Variants in RPF1 observed in about 807,000 individuals in gnomAD.
RPF1 encodes the protein ribosome production factor 1.
In RPF1, 34 loss-of-function variants were observed where a neutral mutation model predicts 41.9. That is an observed-to-expected ratio of 0.81 (90% CI 0.62 to 1.08). The LOEUF is 1.08. Ranked by LOEUF, RPF1 falls within the 50% of genes least tolerant of loss-of-function variation. The pLI, the probability that RPF1 is intolerant of heterozygous loss-of-function variation, is 0.00. For missense variants in RPF1, 425 were observed against 435.2 expected (o/e 0.98, Z 0.21); for synonymous variants, 140 against 148.9 (o/e 0.94, Z 0.43).
Position 84,482,990 on chromosome 1 carries a change from G to A in RPF1, c.361G>A (p.Glu121Lys), listed in dbSNP as rs1681677648. 2 of 1,574,868 alleles carry A rather than the reference G, an allele frequency of 1.3e-6. No homozygotes were observed. The highest frequency in any genetic ancestry group is 2.2e-5 in the East Asian group (1 of 44,676). Residue 121 changes from glutamate (E) to lysine (K), a missense_variant, in exon 3 of 9, where the codon GAA becomes AAA. Transcript: ENST00000370654. ...YDETTVDPND[E>K]EVAYDEATDE... ...TGAAACCACAGTAGACCCTAATGATGAAGAGGTAATGTTAGAAGTCTTAAA... is the reference window on the plus strand; with the variant it reads ...TGAAACCACAGTAGACCCTAATGATAAAGAGGTAATGTTAGAAGTCTTAAA...
intron 5 of RPF1, among the ~76,000 whole-genome samples, chr1:84,492,904 C>T (rs1681860980): frequency 1.3e-5 from 2 of 152,182 alleles, no homozygotes; most frequent in Non-Finnish European, 2.9e-5. Context: ...GCAGTCCCAC[C>T]GTGGTTGAGA....
chr1:84,479,412 A>G lies in RPF1; in HGVS notation c.131A>G (p.Lys44Arg), dbSNP rs201279378. 5.0e-6 allele frequency: 8 copies of G among 1,614,250 alleles called. No individual in the cohort carries two copies. The highest frequency in any genetic ancestry group is 1.7e-4 in the Middle Eastern group (1 of 6,054). ...ACGGAAAACGGGGTCCAACCCCCGA[A>G]AGCGGCTGCCTTTCCGCCAGGCTTT... ...GATENGVQPP[K>R]AAAFPPGFSI... is the part of the protein sequence containing the mutation. The change falls in exon 1 of 9, where the codon AAA becomes AGA. Residue 44 changes from lysine (K) to arginine (R), a missense_variant. Coordinates refer to ENST00000370654, the MANE Select transcript of RPF1 (RefSeq NM_025065.7).
At chr1:84,497,330 A>G in intron 8 of RPF1, 99 bp from the exon 9 acceptor site, 3 of 940,702 alleles carry the variant, frequency 3.2e-6, no homozygotes, top group Non-Finnish European at 4.9e-6. Context: ...AGTGTTACTT[A>G]TGAAGATCTA....
intron 8 of RPF1, among the ~76,000 whole-genome samples, chr1:84,496,717 C>T (rs1432956887): frequency 6.6e-6 from 1 of 152,120 alleles, no homozygotes; most frequent in Admixed American, 6.5e-5. Flanking sequence ...CAGACCTACT[C>T]GATCAGCAAT....
Position 84,497,771 on chromosome 1 carries a change from G to A in RPF1, c.*301G>A, listed in dbSNP as rs577664636. On this transcript the variant is annotated 3_prime_UTR_variant, in exon 9 of 9. Transcript: ENST00000370654. ...TCCTATTTGCATAGAACACATGAGA[G>A]GAATAAAATGGTTGGTAAATATTGG... The A allele has an allele frequency of 2.0e-4, 46 of 229,114 alleles. No individual in the cohort carries two copies. The highest frequency in any genetic ancestry group is 9.3e-4 in the African/African-American group (41 of 44,150). The allele number at this position is 229,114 out of a possible 1,614,324, so 14.2% of individuals were successfully genotyped here.
intron 5 of RPF1, among the ~76,000 whole-genome samples, chr1:84,492,469 G>A (rs995125157): frequency 6.6e-6 from 1 of 152,166 alleles, no homozygotes; most frequent in Non-Finnish European, 1.5e-5. Flanking sequence ...ATCAAATACA[G>A]ATTCCATTAT....
Position 84,482,977 on chromosome 1 carries a change from A to G in RPF1, c.348A>G (p.Val116=). 1.2e-6 allele frequency: 2 copies of G among 1,602,676 alleles called. No homozygotes were observed. Among genetic ancestry groups the G allele is most frequent in the Non-Finnish European group, 1.7e-6 (2 of 1,169,566 alleles). Residue 116 remains valine (V), a synonymous_variant, in exon 3 of 9, where the codon GTA becomes GTG. Transcript: ENST00000370654. ...AGCGAGTGTATGATGAAACCACAGT[A>G]GACCCTAATGATGAAGAGGTAATGT... is the stretch of plus-strand genomic sequence containing the variant. ...DNQRVYDETT[V]DPNDEEVAYD... is the part of the protein sequence containing the mutation.
At chr1:84,489,126 A>G (rs989586345) in intron 3 of RPF1, among the ~76,000 whole-genome samples, 2 of 151,804 alleles carry the variant, frequency 1.3e-5, no homozygotes, top group Non-Finnish European at 2.9e-5. Context: ...GATTTGCTCA[A>G]TATATATTTT....
chr1:84,479,309 A>C lies in RPF1; in HGVS notation c.28A>C (p.Ser10Arg), dbSNP rs61731619. Residue 10 changes from serine (S) to arginine (R), a missense_variant, in exon 1 of 9, where the codon AGC (serine) becomes CGC (arginine). Transcript: ENST00000370654. Reference sequence around the variant, plus strand: ...GGCGAAAGCCGGGGATAAGAGCAGCAGCAGCGGGAAGAAAAGTCTAAAACG... The same window carrying C: ...GGCGAAAGCCGGGGATAAGAGCAGCCGCAGCGGGAAGAAAAGTCTAAAACG... MAKAGDKSS[S>R]SGKKSLKRKA... 2.5e-6 allele frequency: 4 copies of C among 1,608,486 alleles called. No homozygotes were observed. The highest frequency in any genetic ancestry group is 2.2e-5 in the South Asian group (2 of 90,676).
At chr1:84,494,481 A>T (rs1431408967) in intron 5 of RPF1, among the ~76,000 whole-genome samples, 1 of 152,224 alleles carries the variant, frequency 6.6e-6, no homozygotes, top group African/African-American at 2.4e-5. Flanking sequence ...TTTCTCCTAA[A>T]CTAGAAAAGC....
In RPF1 at chr1:84,490,839, T is replaced by C. The variant is rs1023683368; in HGVS notation, c.616+367T>C. ...TGGGGACCCTGTGACTGGTACAAAG[T>C]CTGCCCTGGGAGGAAAGACTTCCCA... On this transcript the variant is annotated intron_variant, in intron 5 of 8. Transcript: ENST00000370654. Among the ~76,000 whole-genome samples, 9 of 152,104 alleles carry C rather than the reference T, an allele frequency of 5.9e-5. No homozygotes were observed. The South Asian group carries it at 1.9e-3, about 32-fold the overall frequency.
At chr1:84,485,259 C>T (rs1019734684) in intron 3 of RPF1, among the ~76,000 whole-genome samples, 3 of 152,136 alleles carry the variant, frequency 2.0e-5, no homozygotes, top group African/African-American at 7.2e-5. Flanking sequence ...CTGCCACACC[C>T]AGCTAATTTT....
At chr1:84,484,455 C>T (rs1026758902) in intron 3 of RPF1, among the ~76,000 whole-genome samples, 1 of 151,442 alleles carries the variant, frequency 6.6e-6, no homozygotes, top group Non-Finnish European at 1.5e-5. Context: ...AGTCCCAGGT[C>T]ATACATTCCA....
At chr1:84,497,345 C>G in intron 8 of RPF1, 84 bp from the exon 9 acceptor site, 1 of 1,119,170 alleles carries the variant, frequency 8.9e-7, no homozygotes, top group Non-Finnish European at 1.3e-6. Flanking sequence ...GATCTAGGGA[C>G]GTTAACTTTT....
Position 84,481,390 on chromosome 1 carries a change from T to C in RPF1, c.285+378T>C, listed in dbSNP as rs542047588. On this transcript the variant is annotated intron_variant, in intron 2 of 8. Transcript: ENST00000370654. ...AGAGGTCAACACCTCTCCCTGACTT[T>C]GGGAATGGGGAAGCTCCCCCAGGTT... Among the ~76,000 whole-genome samples, 38 of 152,338 alleles carry C rather than the reference T, an allele frequency of 2.5e-4. 1 individual carries two copies. The South Asian group carries it at 7.5e-3, about 30-fold the overall frequency.
rs1407877199 is a variant in RPF1 at position 84,497,754 on chromosome 1, G to C, written c.*284G>C. 2 of 295,256 alleles carry C rather than the reference G, an allele frequency of 6.8e-6. No homozygotes were observed. The highest frequency in any genetic ancestry group is 4.4e-5 in the African/African-American group (2 of 45,282). 18.3% of individuals were successfully genotyped at this position (295,256 alleles called of 1,614,324 possible). On this transcript the variant is annotated 3_prime_UTR_variant, in exon 9 of 9. Coordinates refer to ENST00000370654, the MANE Select transcript of RPF1 (RefSeq NM_025065.7). ...AAGATTCAGATTAACTTTCCTATTT[G>C]CATAGAACACATGAGAGGAATAAAA...
At chr1:84,495,001 T>C (rs1406973780) in intron 5 of RPF1, among the ~76,000 whole-genome samples, 2 of 152,192 alleles carry the variant, frequency 1.3e-5, no homozygotes, top group African/African-American at 4.8e-5. Flanking sequence ...GGTAAACTCA[T>C]ACTCTATTTG....
Position 84,479,438 on chromosome 1 carries a change from A to T in RPF1, c.157A>T (p.Ser53Cys). ...AGCGGCTGCCTTTCCGCCAGGCTTTAGCATTTCGGAGATTAAAAACAAACA... is the reference window on the plus strand; with the variant it reads ...AGCGGCTGCCTTTCCGCCAGGCTTTTGCATTTCGGAGATTAAAAACAAACA... ...PKAAAFPPGF[S>C]ISEIKNKQRR... The change falls in exon 1 of 9, where the codon AGC (serine) becomes TGC (cysteine). Residue 53 changes from serine (S) to cysteine (C), a missense_variant. Coordinates refer to ENST00000370654, the MANE Select transcript of RPF1 (RefSeq NM_025065.7). 1.9e-6 allele frequency: 3 copies of T among 1,614,244 alleles called. No individual in the cohort carries two copies. Among genetic ancestry groups the T allele is most frequent in the Non-Finnish European group, 2.5e-6 (3 of 1,180,046 alleles).
At chr1:84,480,287 A>T (rs905817997) in intron 1 of RPF1, among the ~76,000 whole-genome samples, 22 of 152,140 alleles carry the variant, frequency 1.4e-4, no homozygotes, top group African/African-American at 5.3e-4. Context: ...GATGTCCTGG[A>T]AGACTTATTG....
Sources: gnomAD v4.1 joint callset for allele counts (sites outside exome capture counted in the v4.1 genomes callset) on GRCh38, gnomAD v4.1.1 for gene constraint, MANE v1.5 for transcripts, NCBI Gene and HGNC (gene_info 2026-07-23, HGNC 2026-07-21) for gene names.